RPS6KL1: variants seen among roughly 807,000 people sequenced by gnomAD.
The protein encoded by RPS6KL1 is ribosomal protein S6 kinase like 1, also known as ribosomal protein S6 kinase-like 1.
RPS6KL1 carries 41 observed loss-of-function variants against 57.0 expected under a neutral mutation model. That is an observed-to-expected ratio of 0.72 (90% CI 0.56 to 0.93). The LOEUF (loss-of-function observed/expected upper bound fraction) is 0.93, where lower values mean the gene tolerates loss of function less well. RPS6KL1 is among the 40% of genes least tolerant of loss of function. The pLI is 0.00. For missense variants in RPS6KL1, 697 were observed against 727.7 expected (o/e 0.96, Z 0.49); for synonymous variants, 287 against 309.7 (o/e 0.93, Z 0.77).
At position 74,907,049 on chromosome 14, in the gene RPS6KL1, A is replaced by G; in HGVS notation, c.1615T>C (p.Phe539Leu). 6.2e-7 allele frequency: 1 copy of G among 1,613,682 alleles called. No individual in the cohort carries two copies. Among genetic ancestry groups the G allele is most frequent in the South Asian group, 1.1e-5 (1 of 90,960 alleles). Residue 539 changes from phenylalanine to leucine, a missense_variant, in exon 12 of 12, where the codon TTC becomes CTC. By Grantham distance (22) the Phe-to-Leu change is conservative. Coordinates refer to ENST00000557413, the MANE Select transcript of RPS6KL1 (RefSeq NM_031464.5). The part of the protein sequence containing the change: ...GVSKLKSHPF[F>L]STIQWSKLVG ...AGCTTGCTCCATTGGATGGTACTGA[A>G]AAAGGGATGGGACTTGAGTTTGCTG...
In RPS6KL1 at chr14:74,909,948, G is replaced by A; in HGVS notation, c.865C>T (p.Leu289=). 6.2e-7 allele frequency: 1 copy of A among 1,614,158 alleles called. No individual in the cohort carries two copies. Among genetic ancestry groups the A allele is most frequent in the Non-Finnish European group, 8.5e-7 (1 of 1,179,994 alleles). The change falls in exon 8 of 12, where the codon CTA becomes TTA. Residue 289 remains leucine, a synonymous_variant. Coordinates refer to ENST00000557413, the MANE Select transcript of RPS6KL1 (RefSeq NM_031464.5). Reference sequence around the variant, plus strand: ...CTGGTGGATGGGGCCTCCCCAGCTAGGAGAAGGTTCGGAGAAGTCCTAGGA... The same window carrying A: ...CTGGTGGATGGGGCCTCCCCAGCTAAGAGAAGGTTCGGAGAAGTCCTAGGA... ...EPPRTSPNLL[L]AGEAPSTRPQ... is the part of the protein sequence containing the mutation.
rs376781190 is a variant in RPS6KL1, at chr14:74,907,174, G to A, written c.1540-50C>T. ...GGGCCACTCCAGCTGTGGAGGCATGGGGTGACCTCCAGGGACTCCAACCAC... is the reference window on the plus strand; with the variant it reads ...GGGCCACTCCAGCTGTGGAGGCATGAGGTGACCTCCAGGGACTCCAACCAC... On this transcript the variant is annotated intron_variant, in intron 11 of 11. Transcript: ENST00000557413. The A allele has an allele frequency of 2.8e-4, 423 of 1,494,398 alleles. 2 individuals carry two copies. The highest frequency in any genetic ancestry group is 3.4e-4 in the Non-Finnish European group (366 of 1,091,954). The allele number at this position is 1,494,398 out of a possible 1,614,324, so 92.6% of individuals were successfully genotyped here.
rs1250737949 is a variant in RPS6KL1, at chr14:74,911,284, C to T, written c.628G>A (p.Glu210Lys). 10 of 1,612,620 alleles carry T rather than the reference C, an allele frequency of 6.2e-6. No homozygotes were observed. Among genetic ancestry groups the T allele is most frequent in the Non-Finnish European group, 8.5e-6 (10 of 1,180,018 alleles). Residue 210 changes from glutamate (E) to lysine (K), a missense_variant, in exon 7 of 12, where the codon GAG becomes AAG. By Grantham distance (56) the Glu-to-Lys change is moderately conservative (BLOSUM62 1). Transcript: ENST00000557413. Reference protein sequence around the residue: ...MTKLLRYFVSEDSIFLHLEHV... With the variant: ...MTKLLRYFVSKDSIFLHLEHV... ...TCCAGGTGCAGGAAGATGGAGTCCT[C>T]GCTCACAAAGTACCTGAGCAGCTTC...
At chr14:74,921,247 A>AC in intron 3 of RPS6KL1, 30 bp downstream of exon 3, 8 of 719,804 alleles carry the variant, frequency 1.1e-5, no homozygotes, top group African/African-American at 6.5e-5. Flanking sequence ...TTCCCCACCC[A>AC]CCCCAGCCCT....
intron 9 of RPS6KL1, 28 bp from the exon 10 acceptor site, chr14:74,908,960 A>G (rs745494265): frequency 3.7e-6 from 6 of 1,603,122 alleles, no homozygotes; most frequent in Admixed American, 3.3e-5. Context: ...CAGGTGTCCC[A>G]GCCTCACCTA....
intron 2 of RPS6KL1, 196 bp downstream of exon 2, chr14:74,921,782 T>TTC (rs1334794156): frequency 2.3e-6 from 3 of 1,297,658 alleles, no homozygotes; most frequent in East Asian, 2.9e-5. Flanking sequence ...CTTTTCTTTT[T>TTC]TTTTTTTTTT....
chr14:74,909,816 C>A lies in RPS6KL1; in HGVS notation c.997G>T (p.Ala333Ser). The change falls in exon 8 of 12, where the codon GCT (alanine) becomes TCT (serine). Residue 333 changes from alanine (A) to serine (S), a missense_variant. By Grantham distance (99) the Ala-to-Ser change is moderately conservative (BLOSUM62 1). Transcript: ENST00000557413. The stretch of plus-strand genomic sequence containing the variant: ...GGCCCAGCGTCTGAGTTCTGGCCAG[C>A]CCTCCTAGCTTGAAGGTGCAGGTGG... ...GGHLHLQARR[A>S]GQNSDAGPPR... is the part of the protein sequence containing the mutation. The A allele has an allele frequency of 6.2e-7, 1 of 1,607,980 alleles. No homozygotes were observed. Among genetic ancestry groups the A allele is most frequent in the Non-Finnish European group, 8.5e-7 (1 of 1,176,892 alleles).
intron 4 of RPS6KL1, among the ~76,000 whole-genome samples, chr14:74,919,268 T>C (rs1242036757): frequency 6.6e-6 from 1 of 152,158 alleles, no homozygotes; most frequent in Non-Finnish European, 1.5e-5. Flanking sequence ...GCACCTACTT[T>C]GGGGAAAGGC....
rs574581242 is a variant in RPS6KL1 at position 74,922,136 on chromosome 14, G to T, written c.-179C>A. 44 of 943,262 alleles carry T rather than the reference G, an allele frequency of 4.7e-5. No homozygotes were observed. Among genetic ancestry groups the T allele is most frequent in the Non-Finnish European group, 5.5e-5 (43 of 787,408 alleles). The allele number at this position is 943,262 out of a possible 1,614,324, so 58.4% of individuals were successfully genotyped here. On this transcript the variant is annotated 5_prime_UTR_variant, in exon 2 of 12. Transcript: ENST00000557413. Reference sequence around the variant, plus strand: ...TTCAGCAAACATTTCTGGAGCATCTGGTACTGTGTTGAGCTCTGGAGAGAG... The same window carrying T: ...TTCAGCAAACATTTCTGGAGCATCTTGTACTGTGTTGAGCTCTGGAGAGAG...
intron 4 of RPS6KL1, among the ~76,000 whole-genome samples, chr14:74,919,430 GAT>G (rs1887420602): frequency 6.6e-6 from 1 of 152,234 alleles, no homozygotes; most frequent in Non-Finnish European, 1.5e-5. Context: ...CATGCACACA[GAT>G]ATGTGTGTGT....
Position 74,906,964 on chromosome 14 carries a change from G to T in RPS6KL1, c.*50C>A, listed in dbSNP as rs1321794191. Reference sequence around the variant, plus strand: ...CCTGGGTTGGGTGTCAGGCAAGGAGGAGAGGCGATCCAGACCAGGCCAGCT... The same window carrying T: ...CCTGGGTTGGGTGTCAGGCAAGGAGTAGAGGCGATCCAGACCAGGCCAGCT... On this transcript the variant is annotated 3_prime_UTR_variant, in exon 12 of 12. Transcript: ENST00000557413. The T allele has an allele frequency of 7.1e-7, 1 of 1,398,728 alleles. No individual in the cohort carries two copies. Among genetic ancestry groups the T allele is most frequent in the Admixed American group, 1.7e-5 (1 of 58,130 alleles). The allele number at this position is 1,398,728 out of a possible 1,614,324, so 86.6% of individuals were successfully genotyped here. A position where few individuals can be genotyped will look rare whatever the true frequency, so the allele number is the denominator to read the frequency against.
Position 74,909,595 on chromosome 14 carries a change from C to G in RPS6KL1, c.1218G>C (p.Gln406His). 6.2e-7 allele frequency: 1 copy of G among 1,612,506 alleles called. No homozygotes were observed. Among genetic ancestry groups the G allele is most frequent in the Non-Finnish European group, 8.5e-7 (1 of 1,179,868 alleles). ...MLVALEALHE[Q>H]GVLCRDLHPG... ...GGTGGAGGTCCCGGCACAGCACCCC[C>G]TGCTCGTGCAGCGCCTCCAGCGCTA... Residue 406 changes from glutamine (Q) to histidine (H), a missense_variant, in exon 8 of 12, where the codon CAG (glutamine) becomes CAC (histidine). Transcript: ENST00000557413.
intron 11 of RPS6KL1, 101 bp downstream of exon 11, chr14:74,907,334 C>A: frequency 6.7e-7 from 1 of 1,494,146 alleles, no homozygotes; most frequent in Non-Finnish European, 8.9e-7. Context: ...CCACATCAGA[C>A]ACTGAGCACG....
Position 74,906,411 on chromosome 14 carries a change from G to GT in RPS6KL1, c.*602_*603insA, listed in dbSNP as rs1290326307. The GT allele has an allele frequency of 5.9e-6, 2 of 337,786 alleles. No individual in the cohort carries two copies. The highest frequency in any genetic ancestry group is 2.3e-5 in the African/African-American group (1 of 43,186). 20.9% of individuals were successfully genotyped at this position (337,786 alleles called of 1,614,324 possible). ...GGGGCATGGTCAGGAATCGGGGGTG[G>GT]GGGGGTGGGGGTGGGGGTCATCCTG... is the stretch of plus-strand genomic sequence containing the variant. On this transcript the variant is annotated 3_prime_UTR_variant, in exon 12 of 12. Transcript: ENST00000557413.
chr14:74,913,570 A>G (rs1315514376), intron 5 of RPS6KL1, among the ~76,000 whole-genome samples: 2 of 151,880 alleles, frequency 1.3e-5, no homozygotes, highest in Non-Finnish European at 2.9e-5. Flanking sequence ...ACAAAACAAA[A>G]CAACAAAAAA....
Position 74,911,242 on chromosome 14 carries a change from G to C in RPS6KL1, c.664+6C>G, listed in dbSNP as rs771282778. On this transcript the variant is annotated splice_donor_region_variant and intron_variant, in intron 7 of 11. Coordinates refer to ENST00000557413, the MANE Select transcript of RPS6KL1 (RefSeq NM_031464.5). ...GGAGCTGACAGGGGGCCCCAGGCCT[G>C]CTCACCTTGCACATGCTCCAGGTGC... 23 of 1,610,962 alleles carry C rather than the reference G, an allele frequency of 1.4e-5. No homozygotes were observed. The East Asian group carries it at 5.1e-4, about 36-fold the overall frequency.
chr14:74,908,473 G>A (rs1466080116), intron 10 of RPS6KL1, among the ~76,000 whole-genome samples: 1 of 152,154 alleles, frequency 6.6e-6, no homozygotes, highest in Non-Finnish European at 1.5e-5. Context: ...TCCAGCTAAG[G>A]TCTGGGGGTG....
intron 10 of RPS6KL1, 124 bp from the exon 11 acceptor site, chr14:74,907,654 C>G: frequency 1.1e-6 from 1 of 888,702 alleles, no homozygotes; most frequent in South Asian, 1.8e-5. Flanking sequence ...ATGATAGTTG[C>G]TACAGCCAGA....
Position 74,904,088 on chromosome 14 carries a change from T to C in RPS6KL1, c.*2926A>G, listed in dbSNP as rs532421430. 1.3e-5 allele frequency: 2 copies of C among 152,304 alleles called. No homozygotes were observed. Among genetic ancestry groups the C allele is most frequent in the South Asian group, 4.1e-4 (2 of 4,824 alleles). 9.4% of individuals were successfully genotyped at this position (152,304 alleles called of 1,614,324 possible). On this transcript the variant is annotated 3_prime_UTR_variant, in exon 12 of 12. Coordinates refer to ENST00000557413, the MANE Select transcript of RPS6KL1 (RefSeq NM_031464.5). ...TTAGTTTTATACATTTAATACATTT[T>C]AGGGAGACATAAGATACCAGTCAGT... is the stretch of plus-strand genomic sequence containing the variant.
Sources: gnomAD v4.1 joint callset for allele counts (sites outside exome capture counted in the v4.1 genomes callset) on GRCh38, gnomAD v4.1.1 for gene constraint, MANE v1.5 for transcripts, NCBI Gene and HGNC (gene_info 2026-07-23, HGNC 2026-07-21) for gene names.